The following RAD51B variants were observed in gnomAD, a reference collection of about 807,000 sequenced individuals.
The protein encoded by RAD51B is RAD51 paralog B.
Under a neutral mutation model 42.2 loss-of-function variants are expected in RAD51B, and 38 were observed. That is an observed-to-expected ratio of 0.90 (90% CI 0.70 to 1.18). The LOEUF is 1.18. Ranked by LOEUF, RAD51B falls within the 50% of genes most tolerant of loss-of-function variation. The pLI is 0.00. For synonymous variants in RAD51B, 154 were observed against 145.2 expected, an observed-to-expected ratio of 1.06 and a Z score of -0.43; for missense variants, 373 against 400.7, an observed-to-expected ratio of 0.93 and a Z score of 0.59.
chr14:68,588,557 G>A (rs1446216841), intron 10 of RAD51B, among the ~76,000 whole-genome samples: 1 of 152,198 alleles, frequency 6.6e-6, no homozygotes, highest in Non-Finnish European at 1.5e-5. Context: ...CGCTATGGGT[G>A]AAGGAACTGA....
chr14:67,908,148 G>GAATCACCT (rs1171846255), intron 7 of RAD51B, among the ~76,000 whole-genome samples: 3 of 152,058 alleles, frequency 2.0e-5, no homozygotes, highest in African/African-American at 7.2e-5. Flanking sequence ...GGATACATAG[G>GAATCACCT]AATCACCTGT....
chr14:68,378,376 T>A (rs1269535816), intron 8 of RAD51B, among the ~76,000 whole-genome samples: 4 of 152,240 alleles, frequency 2.6e-5, no homozygotes, highest in Admixed American at 2.0e-4. Context: ...GTGCCCAACC[T>A]GGTTAATTGA....
intron 7 of RAD51B, among the ~76,000 whole-genome samples, chr14:68,260,073 G>A (rs187645011): frequency 0.042 from 6,314 of 152,106 alleles, 178 homozygotes; most frequent in Non-Finnish European, 0.065. Flanking sequence ...AGTGATAATG[G>A]GGGGGTGTGG....
At chr14:68,364,491 G>T (rs981834459) in intron 8 of RAD51B, among the ~76,000 whole-genome samples, 1 of 152,138 alleles carries the variant, frequency 6.6e-6, no homozygotes, top group African/African-American at 2.4e-5. Context: ...TTGGAGGACC[G>T]CCGGGCGCGG....
At chr14:68,652,244 G>A (rs1892717461) in intron 11 of RAD51B, among the ~76,000 whole-genome samples, 1 of 152,220 alleles carries the variant, frequency 6.6e-6, no homozygotes, top group African/African-American at 2.4e-5. Flanking sequence ...CAGATGCCGA[G>A]GCCACGCAGC....
At chr14:68,141,904 C>T (rs1266971611) in intron 7 of RAD51B, among the ~76,000 whole-genome samples, 3 of 152,100 alleles carry the variant, frequency 2.0e-5, no homozygotes, top group Non-Finnish European at 4.4e-5. Context: ...GGTCTGCAGC[C>T]CCTCCCATGT....
At chr14:68,517,824 T>C (rs1190608710) in intron 10 of RAD51B, among the ~76,000 whole-genome samples, 1 of 152,220 alleles carries the variant, frequency 6.6e-6, no homozygotes, top group Non-Finnish European at 1.5e-5. Flanking sequence ...TTTGTCCCAC[T>C]TGTCAAAGGT....
At chr14:68,496,963 C>G (rs1360861366) in intron 10 of RAD51B, among the ~76,000 whole-genome samples, 2 of 152,236 alleles carry the variant, frequency 1.3e-5, no homozygotes, top group Non-Finnish European at 2.9e-5. Flanking sequence ...TACAAGTTCT[C>G]TCTCAACTCT....
intron 7 of RAD51B, among the ~76,000 whole-genome samples, chr14:68,072,065 A>ATC (rs2076752724): frequency 1.0e-5 from 1 of 99,982 alleles, no homozygotes; most frequent in African/African-American, 6.4e-5. Flanking sequence ...ATATATATTT[A>ATC]TATAAATATA....
chr14:68,389,118 CT>C (rs1355549531), intron 8 of RAD51B, among the ~76,000 whole-genome samples: 14 of 151,988 alleles, frequency 9.2e-5, no homozygotes, highest in African/African-American at 3.4e-4. Context: ...TTTTAAGTAA[CT>C]TTTTAAATGA....
intron 7 of RAD51B, among the ~76,000 whole-genome samples, chr14:68,114,435 T>G (rs1026620919): frequency 6.6e-6 from 1 of 152,152 alleles, no homozygotes. Context: ...TTTGTGTGAT[T>G]GTCTTTCAAT....
chr14:68,372,777 A>G (rs937793607), intron 8 of RAD51B, among the ~76,000 whole-genome samples: 6 of 152,226 alleles, frequency 3.9e-5, no homozygotes, highest in Admixed American at 3.9e-4. Context: ...ATCTTAGAAT[A>G]TCAGATTTTC....
At chr14:67,961,133 A>C (rs2074656938) in intron 7 of RAD51B, among the ~76,000 whole-genome samples, 1 of 151,764 alleles carries the variant, frequency 6.6e-6, no homozygotes, top group Non-Finnish European at 1.5e-5. Context: ...CAACCTCCCG[A>C]GTAGCTGGGG....
At position 67,885,957 on chromosome 14, in the gene RAD51B, C is replaced by G. The variant is rs199981178; in HGVS notation, c.541C>G (p.Arg181Gly). The G allele has an allele frequency of 2.5e-6, 4 of 1,605,090 alleles. No individual in the cohort carries two copies. The highest frequency in any genetic ancestry group is 3.4e-6 in the Non-Finnish European group (4 of 1,173,638). The change falls in exon 6 of 11, where the codon CGG (arginine) becomes GGG (glycine). Residue 181 changes from arginine (R) to glycine (G), a missense_variant. By Grantham distance (125) the Arg-to-Gly change is moderately radical (BLOSUM62 -2). Coordinates refer to ENST00000471583, the MANE Select transcript of RAD51B (RefSeq NM_133510.4). ...GACAAGTAGTAAAGTTCATCTTTAT[C>G]GGGAACTCACCTGTGATGAAGTTCT... ...LLTSSKVHLY[R>G]ELTCDEVLQR...
At chr14:68,422,504 G>A (rs2084730418) in intron 9 of RAD51B, among the ~76,000 whole-genome samples, 1 of 144,874 alleles carries the variant, frequency 6.9e-6, no homozygotes, top group Admixed American at 7.1e-5. Flanking sequence ...AAGTTGCAGT[G>A]AGCCAAGATC....
chr14:67,949,058 C>T (rs1335321429), intron 7 of RAD51B, among the ~76,000 whole-genome samples: 1 of 151,898 alleles, frequency 6.6e-6, no homozygotes, highest in East Asian at 1.9e-4. Context: ...TGGAGGGTCC[C>T]CTCTCAATGT....
chr14:68,136,373 A>G (rs61987542), intron 7 of RAD51B, among the ~76,000 whole-genome samples: 1 of 121,248 alleles, frequency 8.2e-6, no homozygotes. Context: ...AGGTCAAGAG[A>G]TCGAGACCAT....
At chr14:68,127,745 G>C (rs1171907049) in intron 7 of RAD51B, among the ~76,000 whole-genome samples, 4 of 151,844 alleles carry the variant, frequency 2.6e-5, no homozygotes, top group African/African-American at 9.7e-5. Context: ...TGATAGGAAG[G>C]ATATGTTGCT....
At chr14:68,221,033 A>T (rs776314792) in intron 7 of RAD51B, among the ~76,000 whole-genome samples, 7 of 152,218 alleles carry the variant, frequency 4.6e-5, no homozygotes, top group Non-Finnish European at 1.0e-4. Context: ...CAGGAGGCTG[A>T]GGCAGGAGAA....
Sources: gnomAD v4.1 joint callset for allele counts (sites outside exome capture counted in the v4.1 genomes callset) on GRCh38, gnomAD v4.1.1 for gene constraint, MANE v1.5 for transcripts, NCBI Gene and HGNC (gene_info 2026-07-23, HGNC 2026-07-21) for gene names.